ZNF880: variants seen among roughly 807,000 people sequenced by gnomAD.
ZNF880 encodes zinc finger protein LOC400713.
A neutral mutation model predicts 11.8 loss-of-function variants in ZNF880; 12 were observed. The ratio of observed to expected loss-of-function variants is 1.02; its 90% CI spans 0.65 to 1.65. ZNF880 has a LOEUF of 1.65. Among genes scored for constraint, ZNF880 ranks in the 40% most tolerant of loss-of-function variants. ZNF880 has a pLI of 0.00. For missense variants in ZNF880, 601 were observed against 673.9 expected (o/e 0.89, Z 1.20); for synonymous variants, 210 against 232.4 (o/e 0.90, Z 0.88).
rs1454142190 is a variant in ZNF880 at position 52,371,468 on chromosome 19, C to G, written c.12+1491C>G. ...TCAGGTCACTGCAAACTCTGCCTCC[C>G]GGGTTCAAGTGATTGTCCTGCCTCG... On this transcript the variant is annotated intron_variant, in intron 1 of 3. Coordinates refer to ENST00000422689, the MANE Select transcript of ZNF880 (RefSeq NM_001145434.2). 3.9e-5 allele frequency among the ~76,000 whole-genome samples: 6 copies of G among 152,130 alleles called. No individual in the cohort carries two copies. In the East Asian group the frequency reaches 1.2e-3, roughly 29 times the overall value.
the ZNF880 span, among the ~76,000 whole-genome samples, chr19:52,393,834 C>T: frequency 3.8e-4 from 55 of 144,276 alleles, 3 homozygotes; most frequent in East Asian, 3.7e-3. Flanking sequence ...TTGCCCCCCC[C>T]CTTTTTTTTT....
chr19:52,387,526 G>A (rs1203600335), downstream of ZNF880, among the ~76,000 whole-genome samples: 1 of 137,930 alleles, frequency 7.3e-6, no homozygotes, highest in Admixed American at 7.2e-5. Context: ...TCGGCTCACT[G>A]CAACCTCTGC....
upstream of ZNF880, chr19:52,367,811 A>G (rs972842238): frequency 2.6e-5 from 4 of 152,172 alleles, no homozygotes; most frequent in Non-Finnish European, 5.9e-5. Context: ...CTTGTGTGCC[A>G]AATAAGAACT....
upstream of ZNF880, among the ~76,000 whole-genome samples, chr19:52,369,293 C>G (rs1986269566): frequency 7.2e-6 from 1 of 139,424 alleles, no homozygotes; most frequent in Admixed American, 7.8e-5. Flanking sequence ...ACCCAGGCGG[C>G]GGAGGTTGCA....
chr19:52,394,475 T>C, the ZNF880 span, among the ~76,000 whole-genome samples: 1 of 152,112 alleles, frequency 6.6e-6, no homozygotes, highest in Non-Finnish European at 1.5e-5. Flanking sequence ...GCTTGAGTGA[T>C]CTGCCTGCCT....
upstream of ZNF880, among the ~76,000 whole-genome samples, chr19:52,368,957 C>T (rs1369535937): frequency 3.8e-5 from 3 of 79,156 alleles, no homozygotes; most frequent in African/African-American, 1.1e-4. Context: ...GCCTGAAAGA[C>T]AGAGGGAGAC....
rs1986437645 is a variant in ZNF880, at chr19:52,373,121, C to T, written c.23C>T (p.Ala8Val). ...TGTTTTTCATTTTAGGGACACTTGGCATTCAGGGACGTGGCCATAGAATTC... is the reference window on the plus strand; with the variant it reads ...TGTTTTTCATTTTAGGGACACTTGGTATTCAGGGACGTGGCCATAGAATTC... Reference protein sequence around the residue: MLRRGHLAFRDVAIEFPQ... With the variant: MLRRGHLVFRDVAIEFPQ... The change falls in exon 2 of 4, where the codon GCA (alanine) becomes GTA (valine). Residue 8 changes from alanine (A) to valine (V), a missense_variant. Around this residue, in one of 3 missense-constraint regions of ZNF880, gnomAD observed 420 missense variants for 442.6 expected, o/e 0.95. Transcript: ENST00000422689. The T allele has an allele frequency of 1.9e-6, 3 of 1,612,900 alleles. No homozygotes were observed. The highest frequency in any genetic ancestry group is 1.7e-6 in the Non-Finnish European group (2 of 1,179,300).
At chr19:52,392,503 G>A in the ZNF880 span, among the ~76,000 whole-genome samples, 585 of 152,290 alleles carry the variant, frequency 3.8e-3, 2 homozygotes, top group Non-Finnish European at 4.0e-3. Context: ...ATATTGCCAC[G>A]TTGGCCAGGC....
Position 52,373,150 on chromosome 19 carries a change from C to G in ZNF880, c.52C>G (p.Gln18Glu). Residue 18 changes from glutamine (Q) to glutamate (E), a missense_variant, in exon 2 of 4, where the codon CAG becomes GAG. By Grantham distance (29) the Gln-to-Glu change is conservative. Transcript: ENST00000422689. ...CAGGGACGTGGCCATAGAATTCCCT[C>G]AGGAGGAGTGGAAATGTCTGGACCC... ...AFRDVAIEFP[Q>E]EEWKCLDPAQ... 1.9e-6 allele frequency: 3 copies of G among 1,613,428 alleles called. No individual in the cohort carries two copies. Among genetic ancestry groups the G allele is most frequent in the Non-Finnish European group, 2.5e-6 (3 of 1,179,630 alleles).
downstream of ZNF880, chr19:52,390,333 C>T (rs1253372485): frequency 2.4e-6 from 1 of 424,376 alleles, no homozygotes; most frequent in South Asian, 1.7e-5. Context: ...CAGCCCCAGT[C>T]CCAGGGAGGC....
chr19:52,379,731 A>T (rs1465141765), intron 3 of ZNF880: 2 of 203,684 alleles, frequency 9.8e-6, no homozygotes, highest in Non-Finnish European at 1.0e-5. Context: ...GGCATGAGTC[A>T]CTGTACCCGG....
the ZNF880 span, among the ~76,000 whole-genome samples, chr19:52,395,213 G>A: frequency 6.6e-6 from 1 of 152,070 alleles, no homozygotes; most frequent in Non-Finnish European, 1.5e-5. Context: ...CACCCAGCCT[G>A]TCACTTTTAT....
chr19:52,377,992 G>A (rs1190648539), intron 3 of ZNF880, among the ~76,000 whole-genome samples: 2 of 152,108 alleles, frequency 1.3e-5, no homozygotes, highest in African/African-American at 4.8e-5. Flanking sequence ...TCATCACATA[G>A]GTGTGATTGA....
intron 3 of ZNF880, among the ~76,000 whole-genome samples, chr19:52,377,746 G>C (rs74760116): frequency 0.036 from 5,541 of 152,280 alleles, 139 homozygotes; most frequent in Non-Finnish European, 0.056. Context: ...AGATTCACAG[G>C]GGGAGGCACG....
At chr19:52,370,023 T>C (rs189796287) in intron 1 of ZNF880, 46 bp downstream of exon 1, 440 of 1,551,200 alleles carry the variant, frequency 2.8e-4, no homozygotes, top group Non-Finnish European at 3.7e-4. Flanking sequence ...CTGAGTCCCC[T>C]CGCGCTTCTG....
chr19:52,366,902 C>T, upstream of ZNF880: 1 of 646,854 alleles, frequency 1.5e-6, no homozygotes, highest in Non-Finnish European at 2.6e-6. Context: ...TCTTGATCCA[C>T]ACTGAAAGGA....
At chr19:52,368,235 C>T (rs1410536677), upstream of ZNF880, among the ~76,000 whole-genome samples, 3 of 149,684 alleles carry the variant, frequency 2.0e-5, no homozygotes, top group African/African-American at 7.4e-5. Flanking sequence ...AATACTGTAA[C>T]ACAATTTCTT....
intron 3 of ZNF880, among the ~76,000 whole-genome samples, chr19:52,383,273 G>C (rs1029714098): frequency 2.0e-5 from 3 of 152,224 alleles, no homozygotes; most frequent in East Asian, 3.9e-4. Context: ...GTAATTCAGA[G>C]GGCTGCCTAT....
At chr19:52,375,656 C>G (rs1376471760) in intron 3 of ZNF880, among the ~76,000 whole-genome samples, 4 of 152,026 alleles carry the variant, frequency 2.6e-5, no homozygotes, top group African/African-American at 9.7e-5. Flanking sequence ...ACCCCCCTCC[C>G]ACCTTTTCCC....
Sources: allele counts gnomAD v4.1 joint callset (sites outside exome capture counted in the v4.1 genomes callset), GRCh38; gene constraint gnomAD v4.1.1; regional missense constraint gnomAD v4.1.1; transcripts MANE v1.5; gene names NCBI Gene and HGNC (gene_info 2026-07-23, HGNC 2026-07-21).